ELMOD1: variants seen among roughly 807,000 people sequenced by gnomAD.
ELMOD1 encodes ELMO domain containing 1.
ELMOD1 carries 21 observed loss-of-function variants against 46.7 expected under a neutral mutation model. That is an observed-to-expected ratio of 0.45 (90% CI 0.32 to 0.65). The LOEUF is 0.65. Ranked by LOEUF, ELMOD1 falls within the 30% of genes least tolerant of loss-of-function variation. The probability of loss-of-function intolerance (pLI) is 0.04; values close to 1 mark genes in which losing one functional copy is unlikely to be tolerated. For synonymous variants in ELMOD1, 122 were observed against 138.2 expected (o/e 0.88, Z 0.82); for missense variants, 348 against 407.8 (o/e 0.85, Z 1.26).
intron 2 of ELMOD1, among the ~76,000 whole-genome samples, chr11:107,629,129 CT>C (rs746259324): frequency 1.3e-4 from 20 of 152,122 alleles, no homozygotes; most frequent in Non-Finnish European, 2.4e-4. Flanking sequence ...AAGATATAAA[CT>C]CCATGCCTTT....
At chr11:107,621,250 C>T (rs1312822297) in intron 2 of ELMOD1, among the ~76,000 whole-genome samples, 3 of 152,190 alleles carry the variant, frequency 2.0e-5, no homozygotes, top group African/African-American at 7.2e-5. Context: ...TATTTTCCTT[C>T]CTCCAGCAGA....
intron 1 of ELMOD1, among the ~76,000 whole-genome samples, chr11:107,612,252 A>G (rs1007829315): frequency 1.3e-5 from 2 of 152,208 alleles, no homozygotes; most frequent in African/African-American, 4.8e-5. Context: ...TAAGAAAATT[A>G]ACACGGAAAA....
intron 1 of ELMOD1, chr11:107,592,659 G>T: frequency 4.4e-6 from 1 of 228,762 alleles, no homozygotes; most frequent in Non-Finnish European, 9.1e-6. Flanking sequence ...TACATTGGGA[G>T]GTATTTCTCT....
rs1865616515 is a variant in ELMOD1, at chr11:107,602,443, G to A, written c.-86+11034G>A. On this transcript the variant is annotated intron_variant, in intron 1 of 11. Coordinates refer to ENST00000265840, the MANE Select transcript of ELMOD1 (RefSeq NM_018712.4). ...ACATTCTCGCTTTTCTTTCTCTCTAGAATATCTGTTACTTGGATGTTGAAC... is the reference window on the plus strand; with the variant it reads ...ACATTCTCGCTTTTCTTTCTCTCTAAAATATCTGTTACTTGGATGTTGAAC... Among the ~76,000 whole-genome samples, 3 of 152,078 alleles carry A rather than the reference G, an allele frequency of 2.0e-5. No homozygotes were observed. In the South Asian group the frequency reaches 6.2e-4, roughly 32 times the overall value.
intron 2 of ELMOD1, among the ~76,000 whole-genome samples, chr11:107,626,389 A>AG (rs952949415): frequency 2.6e-5 from 4 of 151,614 alleles, no homozygotes; most frequent in African/African-American, 9.7e-5. Flanking sequence ...AAAAAAAAAA[A>AG]AAAAGGACAT....
rs897758662 is a variant in ELMOD1 at position 107,665,377 on chromosome 11, A to T, written c.*180A>T. ...CCCCAGAGACCACTGTTTCTGGAGT[A>T]TCTGTCATCCAGTGACTGCTCATAT... On this transcript the variant is annotated 3_prime_UTR_variant, in exon 12 of 12. Transcript: ENST00000265840. 30 of 632,734 alleles carry T rather than the reference A, an allele frequency of 4.7e-5. No homozygotes were observed. In the East Asian group the frequency reaches 8.0e-4, roughly 17 times the overall value. The allele number at this position is 632,734 out of a possible 1,614,324, so 39.2% of individuals were successfully genotyped here.
intron 1 of ELMOD1, 39 bp downstream of exon 1, chr11:107,591,448 G>C (rs1480553970): frequency 5.9e-6 from 1 of 168,294 alleles, no homozygotes; most frequent in African/African-American, 2.4e-5. Flanking sequence ...GAGTAGGGGC[G>C]AATGCCCTTG....
At chr11:107,649,324 A>C (rs1345216540) in intron 7 of ELMOD1, among the ~76,000 whole-genome samples, 1 of 152,156 alleles carries the variant, frequency 6.6e-6, no homozygotes, top group African/African-American at 2.4e-5. Context: ...AGACACGAGC[A>C]AAAAAAGCAT....
chr11:107,655,096 T>C (rs1416889696), intron 10 of ELMOD1, among the ~76,000 whole-genome samples: 1 of 152,186 alleles, frequency 6.6e-6, no homozygotes, highest in African/African-American at 2.4e-5. Flanking sequence ...CCCAATCTTA[T>C]TACTCTAGCA....
intron 1 of ELMOD1, 104 bp from the exon 2 acceptor site, chr11:107,618,000 TG>T: frequency 1.6e-6 from 1 of 636,572 alleles, no homozygotes; most frequent in Non-Finnish European, 2.9e-6. Context: ...GATAATGTTC[TG>T]GGTGGCTGGC....
Position 107,643,725 on chromosome 11 carries a change from TGTCA to T in ELMOD1, c.421-3740_421-3737del, listed in dbSNP as rs372997877. On this transcript the variant is annotated intron_variant, in intron 6 of 11. Coordinates refer to ENST00000265840, the MANE Select transcript of ELMOD1 (RefSeq NM_018712.4). ...TGGCCTTCAGGTGGCTCAAGATTTT[TGTCA>T]GTATTGGAGCAATCTTGACTCTTAT... is the stretch of plus-strand genomic sequence containing the variant. The T allele has an allele frequency of 3.8e-3, 1,901 of 504,000 alleles. 5 individuals are homozygous for T. The highest frequency in any genetic ancestry group is 5.9e-3 in the Non-Finnish European group (1,453 of 246,698). 31.2% of individuals were successfully genotyped at this position (504,000 alleles called of 1,614,324 possible). A position where few individuals can be genotyped will look rare whatever the true frequency, so the allele number is the denominator to read the frequency against.
At chr11:107,611,351 C>G (rs1447111459) in intron 1 of ELMOD1, among the ~76,000 whole-genome samples, 1 of 152,000 alleles carries the variant, frequency 6.6e-6, no homozygotes, top group African/African-American at 2.4e-5. Context: ...GATCTAAAAC[C>G]AGCATCTATA....
chr11:107,642,588 C>T (rs1866345756), intron 6 of ELMOD1, among the ~76,000 whole-genome samples: 1 of 152,090 alleles, frequency 6.6e-6, no homozygotes, highest in South Asian at 2.1e-4. Flanking sequence ...CCAGGCTGGT[C>T]TTCAACTCCC....
chr11:107,637,238 T>C (rs1866244524), intron 6 of ELMOD1, among the ~76,000 whole-genome samples: 1 of 152,254 alleles, frequency 6.6e-6, no homozygotes, highest in African/African-American at 2.4e-5. Flanking sequence ...ATTTTACAGA[T>C]GAGAAAACTA....
chr11:107,597,449 A>C (rs1352539284), intron 1 of ELMOD1, among the ~76,000 whole-genome samples: 1 of 152,198 alleles, frequency 6.6e-6, no homozygotes, highest in Non-Finnish European at 1.5e-5. Context: ...CCCAGATCTA[A>C]GAAGGTCAGA....
intron 1 of ELMOD1, among the ~76,000 whole-genome samples, chr11:107,617,471 A>G (rs1230625812): frequency 3.3e-5 from 5 of 152,188 alleles, no homozygotes; most frequent in Non-Finnish European, 7.3e-5. Context: ...CTTCCTTATC[A>G]AAAGGAAGAA....
chr11:107,623,037 C>T (rs1286767147), intron 2 of ELMOD1, among the ~76,000 whole-genome samples: 3 of 152,076 alleles, frequency 2.0e-5, no homozygotes, highest in Non-Finnish European at 4.4e-5. Context: ...AGGTTTGTTA[C>T]ATATGTATAC....
At chr11:107,619,510 G>A (rs1268115492) in intron 2 of ELMOD1, among the ~76,000 whole-genome samples, 1 of 152,178 alleles carries the variant, frequency 6.6e-6, no homozygotes, top group Admixed American at 6.5e-5. Context: ...AGTGTGAGAT[G>A]AAGCTTAGAA....
chr11:107,638,946 A>G (rs1028562997), intron 6 of ELMOD1, among the ~76,000 whole-genome samples: 5 of 152,280 alleles, frequency 3.3e-5, no homozygotes, highest in Admixed American at 3.3e-4. Context: ...CAGGAGTTCA[A>G]GACCAGCCTG....
Sources: gnomAD v4.1 joint callset for allele counts (sites outside exome capture counted in the v4.1 genomes callset) on GRCh38, gnomAD v4.1.1 for gene constraint, MANE v1.5 for transcripts, NCBI Gene and HGNC (gene_info 2026-07-23, HGNC 2026-07-21) for gene names.